INPP5B: variants seen among roughly 807,000 people sequenced by gnomAD.
The protein encoded by INPP5B is inositol polyphosphate-5-phosphatase B.
A neutral mutation model predicts 118.5 loss-of-function variants in INPP5B; 90 were observed. That is an observed-to-expected ratio of 0.76 (90% CI 0.64 to 0.90). INPP5B has a LOEUF of 0.90. Ranked by LOEUF, INPP5B falls within the 40% of genes least tolerant of loss-of-function variation. The pLI is 0.00. For missense variants in INPP5B, 984 were observed against 1,125.6 expected, an observed-to-expected ratio of 0.87 and a Z score of 1.80; for synonymous variants, 385 against 418.9, an observed-to-expected ratio of 0.92 and a Z score of 0.99.
chr1:37,889,441 G>T, intron 9 of INPP5B, 116 bp downstream of exon 9: 10 of 742,072 alleles, frequency 1.3e-5, no homozygotes, highest in Non-Finnish European at 2.2e-5. Context: ...GAAAATGAGG[G>T]GAGAGATTCT....
At chr1:37,931,610 G>A in intron 7 of INPP5B, 1 of 1,537,300 alleles carries the variant, frequency 6.5e-7, no homozygotes, top group South Asian at 1.2e-5. Flanking sequence ...GCCCACCCGA[G>A]GGCCGGGCGC....
At chr1:37,925,055 TCTCAG>T (rs1391814727) in intron 7 of INPP5B, among the ~76,000 whole-genome samples, 1 of 152,138 alleles carries the variant, frequency 6.6e-6, no homozygotes, top group African/African-American at 2.4e-5. Context: ...ATGCCTGTAA[TCTCAG>T]CTACTTGGGA....
At chr1:37,892,070 G>A (rs1047808869) in intron 7 of INPP5B, among the ~76,000 whole-genome samples, 6 of 152,148 alleles carry the variant, frequency 3.9e-5, no homozygotes, top group African/African-American at 1.4e-4. Flanking sequence ...GAAAACCTGA[G>A]TTTTATCACC....
intron 7 of INPP5B, among the ~76,000 whole-genome samples, chr1:37,916,110 T>G (rs991940263): frequency 2.0e-5 from 3 of 152,092 alleles, no homozygotes; most frequent in Admixed American, 6.6e-5. Flanking sequence ...CTTTTTTTTT[T>G]TGAGATGGAG....
intron 13 of INPP5B, 76 bp from the exon 14 acceptor site, chr1:37,882,994 A>T: frequency 6.4e-7 from 1 of 1,557,114 alleles, no homozygotes; most frequent in Non-Finnish European, 8.7e-7. Context: ...CTTCTGACAA[A>T]GGCCCCTGAG....
intron 7 of INPP5B, among the ~76,000 whole-genome samples, chr1:37,917,920 C>T (rs1644928600): frequency 6.6e-6 from 1 of 152,182 alleles, no homozygotes; most frequent in African/African-American, 2.4e-5. Flanking sequence ...TGTCTGAGCT[C>T]AGCACCTCCA....
In INPP5B at chr1:37,864,442, G is replaced by C; in HGVS notation, c.2515-19C>G. 6.9e-7 allele frequency: 1 copy of C among 1,439,346 alleles called. No individual in the cohort carries two copies. 89.2% of individuals were successfully genotyped at this position (1,439,346 alleles called of 1,614,324 possible). A position where few individuals can be genotyped will look rare whatever the true frequency, so the allele number is the denominator to read the frequency against. ...AAATGACCTGAAAGAGGAAGAACCG[G>C]GATTTGTCTTTTGTTCACTGAATCA... On this transcript the variant is annotated intron_variant, in intron 22 of 23. Transcript: ENST00000373024.
intron 21 of INPP5B, 51 bp downstream of exon 21, chr1:37,866,404 TCTCA>T (rs1642042878): frequency 4.1e-5 from 15 of 367,198 alleles, no homozygotes; most frequent in African/African-American, 7.0e-5. Flanking sequence ...TCTCTCTCTC[TCTCA>T]CACACACACA....
intron 14 of INPP5B, 50 bp downstream of exon 14, chr1:37,882,757 C>T (rs757122115): frequency 6.9e-7 from 1 of 1,450,408 alleles, no homozygotes; most frequent in South Asian, 1.1e-5. Flanking sequence ...TTTCTGTGCC[C>T]TCATGGTGGA....
In INPP5B at chr1:37,913,726, C is replaced by T. The variant is rs780019463; in HGVS notation, c.532+18187G>A. ...CTCCACATCGCCCCTAAAAAATTTT[C>T]GCCACCCCAACACTTCACCACCATT... On this transcript the variant is annotated intron_variant, in intron 7 of 23. Transcript: ENST00000373024. Among the ~76,000 whole-genome samples, 28 of 152,202 alleles carry T rather than the reference C, an allele frequency of 1.8e-4. 1 individual carries two copies. The highest frequency in any genetic ancestry group is 1.6e-3 in the Admixed American group (25 of 15,280).
chr1:37,895,169 G>A (rs1238734426), intron 7 of INPP5B, among the ~76,000 whole-genome samples: 2 of 152,152 alleles, frequency 1.3e-5, no homozygotes, highest in Non-Finnish European at 1.5e-5. Flanking sequence ...AAAACCAGCT[G>A]ACAATTCCAA....
chr1:37,903,805 G>T (rs1644413205), intron 7 of INPP5B, among the ~76,000 whole-genome samples: 1 of 152,132 alleles, frequency 6.6e-6, no homozygotes, highest in African/African-American at 2.4e-5. Flanking sequence ...CAGAAGAATT[G>T]CTTGAACCTG....
chr1:37,901,454 A>C (rs1337549765), intron 7 of INPP5B, among the ~76,000 whole-genome samples: 3 of 152,190 alleles, frequency 2.0e-5, no homozygotes, highest in Non-Finnish European at 4.4e-5. Flanking sequence ...CTGCTTCTGC[A>C]TGTCAGTGGT....
intron 7 of INPP5B, chr1:37,931,278 ACT>A: frequency 4.4e-6 from 2 of 457,752 alleles, no homozygotes; most frequent in East Asian, 1.2e-4. Flanking sequence ...CCAAAGGAAG[ACT>A]CTATCGTAGG....
chr1:37,932,122 TC>T (rs1385887680), intron 6 of INPP5B, 69 bp from the exon 7 acceptor site: 96 of 1,442,390 alleles, frequency 6.7e-5, no homozygotes, highest in Non-Finnish European at 8.6e-5. Context: ...GATTGTATTA[TC>T]CCAAGAGACT....
rs1179898998 is a variant in INPP5B at position 37,891,378 on chromosome 1, T to A, written c.609A>T (p.Lys203Asn). The A allele has an allele frequency of 2.5e-6, 4 of 1,613,922 alleles. 1 individual carries two copies. In the South Asian group the frequency reaches 4.4e-5, roughly 18 times the overall value. The change falls in exon 8 of 24, where the codon AAA becomes AAT. Residue 203 changes from lysine (K) to asparagine (N), a missense_variant. By Grantham distance (94) the Lys-to-Asn change is moderately conservative (BLOSUM62 0). Around this residue, in one of 2 missense-constraint regions of INPP5B, gnomAD observed 350 missense variants for 334.6 expected, o/e 1.05. Coordinates refer to ENST00000373024, the MANE Select transcript of INPP5B (RefSeq NM_005540.3). ...PMDQSSRGQD[K>N]PESLQPRQNK... The stretch of plus-strand genomic sequence containing the variant: ...ATTACCTTGGTTGCAAGCTTTCTGG[T>A]TTATCTTGACCCCTGGAGCTTTGGT...
intron 7 of INPP5B, among the ~76,000 whole-genome samples, chr1:37,911,829 T>G (rs1408803614): frequency 6.6e-6 from 1 of 152,150 alleles, no homozygotes; most frequent in Non-Finnish European, 1.5e-5. Flanking sequence ...GCAAGGGCCA[T>G]CAAAAGGCAT....
intron 6 of INPP5B, among the ~76,000 whole-genome samples, chr1:37,938,829 G>T (rs947575613): frequency 6.6e-6 from 1 of 152,142 alleles, no homozygotes; most frequent in Non-Finnish European, 1.5e-5. Flanking sequence ...GACCAAGGTG[G>T]GTGGATCACC....
At position 37,915,101 on chromosome 1, in the gene INPP5B, C is replaced by T. The variant is rs114367951; in HGVS notation, c.532+16812G>A. On this transcript the variant is annotated intron_variant, in intron 7 of 23. Coordinates refer to ENST00000373024, the MANE Select transcript of INPP5B (RefSeq NM_005540.3). ...TTTCTTGCAAATTCTGTGCTTTGTA[C>T]TGCATATTGTGTAGAACCAAAACTC... Among the ~76,000 whole-genome samples the T allele has an allele frequency of 2.3e-3, 344 of 152,296 alleles. 1 individual carries two copies. Among genetic ancestry groups the T allele is most frequent in the African/African-American group, 7.9e-3 (327 of 41,572 alleles).
Sources: allele counts gnomAD v4.1 joint callset (sites outside exome capture counted in the v4.1 genomes callset), GRCh38; gene constraint gnomAD v4.1.1; regional missense constraint gnomAD v4.1.1; transcripts MANE v1.5; gene names NCBI Gene and HGNC (gene_info 2026-07-23, HGNC 2026-07-21).